The following RFX5 variants were observed in gnomAD, a reference collection of about 807,000 sequenced individuals.
RFX5 encodes DNA-binding protein RFX5.
RFX5 carries 30 observed loss-of-function variants against 41.2 expected under a neutral mutation model. That is an observed-to-expected ratio of 0.73 (90% CI 0.54 to 0.99). The LOEUF (loss-of-function observed/expected upper bound fraction) is 0.99, where lower values mean the gene tolerates loss of function less well. RFX5 is among the 50% of genes least tolerant of loss of function. RFX5 has a pLI of 0.00. For synonymous variants in RFX5, 231 were observed against 291.8 expected, an observed-to-expected ratio of 0.79 and a Z score of 2.12; for missense variants, 715 against 773.6, an observed-to-expected ratio of 0.92 and a Z score of 0.90.
rs756649605 is a variant in RFX5, at chr1:151,345,231, A to G, written c.151-43T>C. 44 of 1,506,260 alleles carry G rather than the reference A, an allele frequency of 2.9e-5. 1 individual carries two copies. The highest frequency in any genetic ancestry group is 2.8e-5 in the Non-Finnish European group (30 of 1,085,512). The allele number at this position is 1,506,260 out of a possible 1,614,324, so 93.3% of individuals were successfully genotyped here. On this transcript the variant is annotated intron_variant, in intron 4 of 10. Transcript: ENST00000452671. Reference sequence around the variant, plus strand: ...AGAGGCAGGAGAAATAATAAGGCCAAGAAGGACCCAATATAGGACCCTCTG... The same window carrying G: ...AGAGGCAGGAGAAATAATAAGGCCAGGAAGGACCCAATATAGGACCCTCTG...
In RFX5 at chr1:151,344,242, C is replaced by T; in HGVS notation, c.510G>A (p.Val170=). Residue 170 remains valine, a synonymous_variant, in exon 8 of 11, where the codon GTG becomes GTA. Coordinates refer to ENST00000452671, the MANE Select transcript of RFX5 (RefSeq NM_001025603.2). ...CAAGTCCAGGCAGGGGTGGCATAGA[C>T]ACCAAGGTCTTCCTCCTTATGCCAC... is the stretch of plus-strand genomic sequence containing the variant. ...CYSGIRRKTL[V]SMPPLPGLDL... is the part of the protein sequence containing the mutation. 6.2e-7 allele frequency: 1 copy of T among 1,614,230 alleles called. No homozygotes were observed. The highest frequency in any genetic ancestry group is 8.5e-7 in the Non-Finnish European group (1 of 1,180,046).
chr1:151,343,921 T>TA (rs1216412952), intron 8 of RFX5, 39 bp from the exon 9 acceptor site: 1 of 1,600,546 alleles, frequency 6.2e-7, no homozygotes, highest in Admixed American at 1.7e-5. Context: ...CACTCCAAAT[T>TA]AAAGAACCCT....
At chr1:151,346,895 C>G (rs971630878) in intron 1 of RFX5, 1 of 155,168 alleles carries the variant, frequency 6.4e-6, no homozygotes, top group Non-Finnish European at 1.4e-5. Context: ...GTCGCCGGCC[C>G]CTACGTCATC....
At chr1:151,345,249 A>G in intron 4 of RFX5, 61 bp from the exon 5 acceptor site, 2 of 1,287,528 alleles carry the variant, frequency 1.6e-6, no homozygotes, top group South Asian at 2.4e-5. Flanking sequence ...CCAATATAGG[A>G]CCCTCTGATC....
At position 151,345,373 on chromosome 1, in the gene RFX5, G is replaced by A. The variant is rs888568610; in HGVS notation, c.151-185C>T. ...GCCTACAATCCCAGCACTTTGGAAG[G>A]CCAAGGCAGGCTGATCACAAGGTCA... On this transcript the variant is annotated intron_variant, in intron 4 of 10. Transcript: ENST00000452671. The A allele has an allele frequency of 1.2e-4, 63 of 530,568 alleles. No individual in the cohort carries two copies. The Middle Eastern group carries it at 2.2e-3, about 18-fold the overall frequency. The allele number at this position is 530,568 out of a possible 1,614,324, so 32.9% of individuals were successfully genotyped here. A position where few individuals can be genotyped will look rare whatever the true frequency, so the allele number is the denominator to read the frequency against.
At position 151,342,391 on chromosome 1, in the gene RFX5, T is replaced by A. The variant is rs758575263; in HGVS notation, c.1646A>T (p.Gln549Leu). The change falls in exon 11 of 11, where the codon CAG becomes CTG. Residue 549 changes from glutamine (Q) to leucine (L), a missense_variant. Gln to Leu is a moderately radical substitution (Grantham distance 113). Coordinates refer to ENST00000452671, the MANE Select transcript of RFX5 (RefSeq NM_001025603.2). ...VSKGGRGPGSQHTKEAEDKIP... is the reference protein window; with the variant it reads ...VSKGGRGPGSLHTKEAEDKIP... The stretch of plus-strand genomic sequence containing the variant: ...TTTATCTTCTGCTTCTTTGGTATGC[T>A]GGGAACCGGGGCCCCTTCCTCCTTT... The A allele has an allele frequency of 6.2e-7, 1 of 1,614,192 alleles. No individual in the cohort carries two copies. The highest frequency in any genetic ancestry group is 8.5e-7 in the Non-Finnish European group (1 of 1,180,038).
At chr1:151,345,905 G>C (rs182166186) in intron 4 of RFX5, 23 bp downstream of exon 4, 123 of 1,613,930 alleles carry the variant, frequency 7.6e-5, no homozygotes, top group Non-Finnish European at 8.9e-5. Context: ...TCCCTCTCTT[G>C]CCCTCTTCCC....
intron 8 of RFX5, 80 bp downstream of exon 8, chr1:151,344,117 A>G: frequency 4.4e-6 from 6 of 1,372,078 alleles, no homozygotes; most frequent in South Asian, 2.3e-5. Flanking sequence ...TGAGGCTGTT[A>G]GCCCTCAAAA....
intron 9 of RFX5, 35 bp from the exon 10 acceptor site, chr1:151,343,477 T>A: frequency 5.8e-6 from 9 of 1,565,062 alleles, no homozygotes; most frequent in Non-Finnish European, 6.2e-6. Flanking sequence ...AGAGTGAAGG[T>A]GAGGAGGAAA....
At position 151,340,673 on chromosome 1, in the gene RFX5, T is replaced by G. The variant is rs1486627628; in HGVS notation, c.*1513A>C. On this transcript the variant is annotated 3_prime_UTR_variant, in exon 11 of 11. Transcript: ENST00000452671. The stretch of plus-strand genomic sequence containing the variant: ...AAAATGTTTTAATGTATATGTGTTA[T>G]GGGTCATAGGTACTCATTAGTATGC... 1.3e-5 allele frequency: 2 copies of G among 152,602 alleles called. No individual in the cohort carries two copies. The highest frequency in any genetic ancestry group is 2.9e-5 in the Non-Finnish European group (2 of 68,042). 9.5% of individuals were successfully genotyped at this position (152,602 alleles called of 1,614,324 possible).
intron 1 of RFX5, 85 bp downstream of exon 1, chr1:151,347,126 C>T (rs1003020201): frequency 1.3e-5 from 2 of 152,392 alleles, no homozygotes; most frequent in Non-Finnish European, 1.5e-5. Flanking sequence ...CTGCTCTCCT[C>T]CCAACTCATC....
rs1264521616 is a variant in RFX5, at chr1:151,343,337, C to T, written c.858+5G>A. On this transcript the variant is annotated splice_donor_5th_base_variant and intron_variant, in intron 10 of 10. Coordinates refer to ENST00000452671, the MANE Select transcript of RFX5 (RefSeq NM_001025603.2). ...CAGCAAAGTCAGGGCCACTGACTTC[C>T]TTACCTGGGCCAGTCTCTCTGGCTT... The T allele has an allele frequency of 6.2e-7, 1 of 1,612,850 alleles. No homozygotes were observed. The highest frequency in any genetic ancestry group is 1.1e-5 in the South Asian group (1 of 91,020).
In RFX5 at chr1:151,342,694, G is replaced by C. The variant is rs1650570010; in HGVS notation, c.1343C>G (p.Ala448Gly). 6.2e-7 allele frequency: 1 copy of C among 1,614,104 alleles called. No homozygotes were observed. Among genetic ancestry groups the C allele is most frequent in the African/African-American group, 1.3e-5 (1 of 74,930 alleles). The change falls in exon 11 of 11, where the codon GCT becomes GGT. Residue 448 changes from alanine (A) to glycine (G), a missense_variant. Physicochemically the swap from Ala to Gly is moderately conservative, Grantham distance 60. Coordinates refer to ENST00000452671, the MANE Select transcript of RFX5 (RefSeq NM_001025603.2). Reference protein sequence around the residue: ...VSEASGQAPPAKAAKQDIEDT... With the variant: ...VSEASGQAPPGKAAKQDIEDT... Reference sequence around the variant, plus strand: ...CTCTATATCCTGCTTTGCTGCTTTAGCTGGTGGAGCCTGCCCACTGGCCTC... The same window carrying C: ...CTCTATATCCTGCTTTGCTGCTTTACCTGGTGGAGCCTGCCCACTGGCCTC...
Position 151,343,079 on chromosome 1 carries a change from G to A in RFX5, c.958C>T (p.Leu320=), listed in dbSNP as rs946081736. 1.1e-5 allele frequency: 17 copies of A among 1,613,396 alleles called. No individual in the cohort carries two copies. Among genetic ancestry groups the A allele is most frequent in the East Asian group, 2.2e-5 (1 of 44,892 alleles). The change falls in exon 11 of 11, where the codon CTG becomes TTG. Residue 320 remains leucine, a synonymous_variant. Transcript: ENST00000452671. The stretch of plus-strand genomic sequence containing the variant: ...CGAGCCACTAGGGCATTAACCTGCA[G>A]GTTATTGGCTCCTGGGGCCGAGCTC... The part of the protein sequence containing the change: ...VESSAPGANN[L]QVNALVARLP...
At chr1:151,346,037 A>G in intron 3 of RFX5, 76 bp from the exon 4 acceptor site, 1 of 1,610,080 alleles carries the variant, frequency 6.2e-7, no homozygotes, top group Admixed American at 1.7e-5. Flanking sequence ...TAGGGAGGGA[A>G]AAGGACTGAA....
At chr1:151,345,381 A>G (rs1650921670) in intron 4 of RFX5, 193 bp from the exon 5 acceptor site, 1 of 517,974 alleles carries the variant, frequency 1.9e-6, no homozygotes, top group South Asian at 1.8e-5. Flanking sequence ...AGGCCAAGGC[A>G]GGCTGATCAC....
At position 151,343,766 on chromosome 1, in the gene RFX5, A is replaced by G; in HGVS notation, c.672T>C (p.Val224=). 1.2e-6 allele frequency: 2 copies of G among 1,614,078 alleles called. No individual in the cohort carries two copies. Among genetic ancestry groups the G allele is most frequent in the Non-Finnish European group, 1.7e-6 (2 of 1,179,986 alleles). The part of the protein sequence containing the change: ...RILKRSFSSI[V]EVARFLLQQH... ...GCTGTAGCAGGAAGCGGGCGACCTC[A>G]ACGATGGAACTGAAGGACCGTTTCA... Residue 224 remains valine, a synonymous_variant, in exon 9 of 11, where the codon GTT becomes GTC. Coordinates refer to ENST00000452671, the MANE Select transcript of RFX5 (RefSeq NM_001025603.2).
chr1:151,341,895 A>G lies in RFX5; in HGVS notation c.*291T>C, dbSNP rs1329511804. The G allele has an allele frequency of 1.4e-5, 8 of 572,774 alleles. No individual in the cohort carries two copies. Among genetic ancestry groups the G allele is most frequent in the Non-Finnish European group, 1.9e-5 (6 of 308,946 alleles). The allele number at this position is 572,774 out of a possible 1,614,324, so 35.5% of individuals were successfully genotyped here. ...TGTGATTTAAAACCAAAAGATCCCTAACCTATATATTCATCATACTTAGCC... is the reference window on the plus strand; with the variant it reads ...TGTGATTTAAAACCAAAAGATCCCTGACCTATATATTCATCATACTTAGCC... On this transcript the variant is annotated 3_prime_UTR_variant, in exon 11 of 11. Coordinates refer to ENST00000452671, the MANE Select transcript of RFX5 (RefSeq NM_001025603.2).
rs966518693 is a variant in RFX5, at chr1:151,344,216, T to G, written c.536A>C (p.Asp179Ala). The G allele has an allele frequency of 1.2e-6, 2 of 1,614,110 alleles. No individual in the cohort carries two copies. Among genetic ancestry groups the G allele is most frequent in the Non-Finnish European group, 1.7e-6 (2 of 1,180,014 alleles). ...LVSMPPLPGL[D>A]LKGSESPEMG... ...ACTTACACTCTCAGAACCCTTTAGG[T>G]CAAGTCCAGGCAGGGGTGGCATAGA... The change falls in exon 8 of 11, where the codon GAC becomes GCC. Residue 179 changes from aspartate to alanine, a missense_variant. Physicochemically the swap from Asp to Ala is moderately radical, Grantham distance 126. Transcript: ENST00000452671.
Sources: allele counts gnomAD v4.1 joint callset, GRCh38; gene constraint gnomAD v4.1.1; transcripts MANE v1.5; gene names NCBI Gene and HGNC (gene_info 2026-07-23, HGNC 2026-07-21).